DVL1: variants seen among roughly 807,000 people sequenced by gnomAD.
The protein encoded by DVL1 is dishevelled segment polarity protein 1, also known as segment polarity protein dishevelled homolog DVL-1.
In DVL1, 49 loss-of-function variants were observed where a neutral mutation model predicts 65.0. The ratio of observed to expected loss-of-function variants is 0.75; its 90% CI spans 0.60 to 0.96. The LOEUF is 0.96. Ranked by LOEUF, DVL1 falls within the 40% of genes least tolerant of loss-of-function variation. DVL1 has a pLI of 0.00. For missense variants in DVL1, 1,197 were observed against 1,045.4 expected (o/e 1.15, Z -2.00); for synonymous variants, 608 against 433.9 (o/e 1.40, Z -4.99).
At chr1:1,347,019 G>C (rs1486820709) in intron 1 of DVL1, among the ~76,000 whole-genome samples, 1 of 152,178 alleles carries the variant, frequency 6.6e-6, no homozygotes, top group African/African-American at 2.4e-5. Context: ...AAGGGATGAA[G>C]GAAGTAATTG....
intron 1 of DVL1, among the ~76,000 whole-genome samples, chr1:1,347,283 G>C (rs142626657): frequency 1.5e-3 from 235 of 152,192 alleles, no homozygotes; most frequent in Non-Finnish European, 2.7e-3. Flanking sequence ...AAGCTCCCCT[G>C]TCTCTTTCCT....
In DVL1 at chr1:1,339,331, C is replaced by G. The variant is rs376762325; in HGVS notation, c.1163G>C (p.Arg388Pro). The G allele has an allele frequency of 4.3e-4, 667 of 1,548,500 alleles. No homozygotes were observed. Among genetic ancestry groups the G allele is most frequent in the Non-Finnish European group, 5.3e-4 (606 of 1,146,900 alleles). Residue 388 changes from arginine to proline, a missense_variant, in exon 11 of 15, where the codon CGC becomes CCC. Physicochemically the swap from Arg to Pro is moderately radical, Grantham distance 103. Transcript: ENST00000378888. ...GTSPCSSAVTRTSSSSLTSSV... is the reference protein window; with the variant it reads ...GTSPCSSAVTPTSSSSLTSSV... The stretch of plus-strand genomic sequence containing the variant: ...GCTGGTTAGTGAGGAGGAGCTGGTG[C>G]GCGTGACGGCGCTGGAGCAGGGACT...
rs1368189431 is a variant in DVL1 at position 1,349,026 on chromosome 1, C to G, written c.40G>C (p.Glu14Gln). ...GGCAGCTTGACCAGGTACGGCGTCTCCTCCTCGTCCATGTGGTAGATAATC... is the reference window on the plus strand; with the variant it reads ...GGCAGCTTGACCAGGTACGGCGTCTGCTCCTCGTCCATGTGGTAGATAATC... ...TKIIYHMDEE[E>Q]TPYLVKLPVA... The change falls in exon 1 of 15, where the codon GAG (glutamate) becomes CAG (glutamine). Residue 14 changes from glutamate to glutamine, a missense_variant. Coordinates refer to ENST00000378888, the MANE Select transcript of DVL1 (RefSeq NM_001330311.2). The surrounding 1 kb of genome is among the most constrained non-coding windows in gnomAD (Gnocchi z 4.1). The G allele has an allele frequency of 6.4e-7, 1 of 1,563,734 alleles. No individual in the cohort carries two copies. The highest frequency in any genetic ancestry group is 1.4e-5 in the African/African-American group (1 of 71,138).
Position 1,338,317 on chromosome 1 carries a change from T to C in DVL1, c.1459A>G (p.Ile487Val). The C allele has an allele frequency of 6.2e-7, 1 of 1,606,452 alleles. No homozygotes were observed. The highest frequency in any genetic ancestry group is 8.5e-7 in the Non-Finnish European group (1 of 1,178,462). ...HGFLRHTVNK[I>V]TFSEQCYYVF... is the part of the protein sequence containing the mutation. ...TAGTAGCACTGCTCGGAGAAGGTGA[T>C]CTTGTTGACCGTGTGCCGCAGGAAG... Residue 487 changes from isoleucine to valine, a missense_variant, in exon 13 of 15, where the codon ATC (isoleucine) becomes GTC (valine). Physicochemically the swap from Ile to Val is conservative, Grantham distance 29. Coordinates refer to ENST00000378888, the MANE Select transcript of DVL1 (RefSeq NM_001330311.2).
At position 1,349,152 on chromosome 1, in the gene DVL1, C is replaced by CTCGG. The variant is rs1553176244; in HGVS notation, c.-88_-87insCCGA. Reference sequence around the variant, plus strand: ...GCTACCCGCCCGCCCGCCTGCGCCCCGCCCGGCCCGCACCGCTCTCGGCCC... The same window carrying CTCGG: ...GCTACCCGCCCGCCCGCCTGCGCCCCTCGGGCCCGGCCCGCACCGCTCTCGGCCC... On this transcript the variant is annotated 5_prime_UTR_variant, in exon 1 of 15. The change abolishes the stop of an existing upstream ORF in the 5' untranslated region. Coordinates refer to ENST00000378888, the MANE Select transcript of DVL1 (RefSeq NM_001330311.2). This position sits in a 1 kb window ranked among gnomAD's most constrained non-coding sequence, Gnocchi z 4.1. 1.2e-6 allele frequency: 1 copy of CTCGG among 810,742 alleles called. No homozygotes were observed. Among genetic ancestry groups the CTCGG allele is most frequent in the Non-Finnish European group, 1.5e-6 (1 of 673,174 alleles). 50.2% of individuals were successfully genotyped at this position (810,742 alleles called of 1,614,324 possible). A position where few individuals can be genotyped will look rare whatever the true frequency, so the allele number is the denominator to read the frequency against.
At position 1,339,390 on chromosome 1, in the gene DVL1, C is replaced by A; in HGVS notation, c.1104G>T (p.Ala368=). 6.5e-7 allele frequency: 1 copy of A among 1,549,004 alleles called. No homozygotes were observed. The highest frequency in any genetic ancestry group is 8.7e-7 in the Non-Finnish European group (1 of 1,146,784). ...IDPAAWLSHT[A]ALTGALPRYG... is the part of the protein sequence containing the mutation. ...AGCGGGGCAGGGCTCCTGTCAGTGC[C>A]GCCGTGTGGGACAGCCAGGCGGCGG... The change falls in exon 11 of 15, where the codon GCG becomes GCT. Residue 368 remains alanine (A), a synonymous_variant. Transcript: ENST00000378888.
chr1:1,343,777 G>C (rs576901554), intron 1 of DVL1, among the ~76,000 whole-genome samples: 6 of 152,320 alleles, frequency 3.9e-5, no homozygotes, highest in East Asian at 1.9e-4. Flanking sequence ...CCACCCTCCT[G>C]TCCTGTCCAC....
intron 1 of DVL1, among the ~76,000 whole-genome samples, chr1:1,345,790 G>A (rs536327405): frequency 6.6e-6 from 1 of 152,300 alleles, no homozygotes; most frequent in East Asian, 1.9e-4. Context: ...AGCTGGCAGG[G>A]GTAGCTGGCC....
chr1:1,342,442 C>A lies in DVL1; in HGVS notation c.283G>T (p.Gly95Cys). The A allele has an allele frequency of 6.2e-7, 1 of 1,605,498 alleles. No individual in the cohort carries two copies. Residue 95 changes from glycine to cysteine, a missense_variant, in exon 3 of 15, where the codon GGC becomes TGC. Transcript: ENST00000378888. Reference sequence around the variant, plus strand: ...GGCAGGTCTGTGTGGCTGTCCGTGCCCTGGGACCCCGCATCCGAGTGAGCA... The same window carrying A: ...GGCAGGTCTGTGTGGCTGTCCGTGCACTGGGACCCCGCATCCGAGTGAGCA... Reference protein sequence around the residue: ...EGAHSDAGSQGTDSHTDLPPP... With the variant: ...EGAHSDAGSQCTDSHTDLPPP...
chr1:1,339,577 C>A lies in DVL1; in HGVS notation c.1054+5G>T. On this transcript the variant is annotated splice_donor_5th_base_variant and intron_variant, in intron 10 of 14. Transcript: ENST00000378888. The stretch of plus-strand genomic sequence containing the variant: ...CCCGCCCCGTGTGCCCCGAGGGCCA[C>A]TCACCCCGTGGGACGGTGAAGTAGC... 4 of 1,604,880 alleles carry A rather than the reference C, an allele frequency of 2.5e-6. No homozygotes were observed. The highest frequency in any genetic ancestry group is 3.4e-6 in the Non-Finnish European group (4 of 1,175,626).
At chr1:1,347,550 C>T (rs1479119721) in intron 1 of DVL1, among the ~76,000 whole-genome samples, 1 of 152,220 alleles carries the variant, frequency 6.6e-6, no homozygotes. Context: ...CTACGCATTT[C>T]CTGGTGGCAC....
chr1:1,346,778 C>T (rs1003457839), intron 1 of DVL1, among the ~76,000 whole-genome samples: 2 of 152,220 alleles, frequency 1.3e-5, no homozygotes, highest in African/African-American at 4.8e-5. Context: ...TCACCAGGGC[C>T]TCCTCAGCGT....
chr1:1,347,899 C>T (rs999938487), intron 1 of DVL1, among the ~76,000 whole-genome samples: 57 of 152,188 alleles, frequency 3.7e-4, no homozygotes, highest in African/African-American at 1.3e-3. Flanking sequence ...CTAGATGTCC[C>T]TTGGGCCCCC....
intron 1 of DVL1, among the ~76,000 whole-genome samples, chr1:1,344,161 T>C (rs1643885386): frequency 6.6e-6 from 1 of 152,026 alleles, no homozygotes; most frequent in Non-Finnish European, 1.5e-5. Flanking sequence ...GCAGGCTGGG[T>C]AGGATCTGGA....
At chr1:1,343,071 C>G (rs1019214670) in intron 1 of DVL1, among the ~76,000 whole-genome samples, 2 of 152,170 alleles carry the variant, frequency 1.3e-5, no homozygotes, top group South Asian at 4.1e-4. Context: ...GACATCCTCA[C>G]AGGGGCAGCT....
intron 1 of DVL1, 31 bp from the exon 2 acceptor site, chr1:1,342,789 C>T (rs1232572410): frequency 1.9e-6 from 3 of 1,608,366 alleles, no homozygotes; most frequent in South Asian, 2.2e-5. Flanking sequence ...GAGGCCCCAC[C>T]TGGGGGGCCC....
In DVL1 at chr1:1,338,367, T is replaced by C; in HGVS notation, c.1409A>G (p.Tyr470Cys). 1 of 1,612,626 alleles carries C rather than the reference T, an allele frequency of 6.2e-7. No individual in the cohort carries two copies. Reference protein sequence around the residue: ...GFKERREARKYASSLLKHGFL... With the variant: ...GFKERREARKCASSLLKHGFL... ...GCCGTGCTTCAGCAAGCTGCTGGCG[T>C]ACTTCCGGGCCTCCCGCCGCTCCTT... The change falls in exon 13 of 15, where the codon TAC becomes TGC. Residue 470 changes from tyrosine (Y) to cysteine (C), a missense_variant. Physicochemically the swap from Tyr to Cys is radical, Grantham distance 194. Coordinates refer to ENST00000378888, the MANE Select transcript of DVL1 (RefSeq NM_001330311.2).
intron 8 of DVL1, 98 bp downstream of exon 8, chr1:1,339,940 A>AGCAGCCCCCGCAGACCCACCC (rs1643731080): frequency 2.0e-6 from 2 of 1,012,274 alleles, no homozygotes; most frequent in Non-Finnish European, 2.6e-6. Context: ...CATGTCCCCC[A>AGCAGCCCCCGCAGACCCACCC]GCAGCCCCTA....
At position 1,341,734 on chromosome 1, in the gene DVL1, T is replaced by A. The variant is rs140560543; in HGVS notation, c.538A>T (p.Thr180Ser). 16 of 1,610,814 alleles carry A rather than the reference T, an allele frequency of 9.9e-6. No homozygotes were observed. Among genetic ancestry groups the A allele is most frequent in the Non-Finnish European group, 1.4e-5 (16 of 1,178,664 alleles). The change falls in exon 5 of 15, where the codon ACC becomes TCC. Residue 180 changes from threonine to serine, a missense_variant. Coordinates refer to ENST00000378888, the MANE Select transcript of DVL1 (RefSeq NM_001330311.2). Reference sequence around the variant, plus strand: ...GACTCAAGCTCGCTGCTGAGGGCGGTGGACGCGCTGTCTGGGGGCAGCCCC... The same window carrying A: ...GACTCAAGCTCGCTGCTGAGGGCGGAGGACGCGCTGTCTGGGGGCAGCCCC... The part of the protein sequence containing the change: ...DVGLPPDSAS[T>S]ALSSELESSS...
Sources: gnomAD v4.1 joint callset for allele counts (sites outside exome capture counted in the v4.1 genomes callset) on GRCh38, gnomAD v4.1.1 for gene constraint, Gnocchi (gnomAD v3.1) non-coding constraint, MANE v1.5 for transcripts, NCBI Gene and HGNC (gene_info 2026-07-23, HGNC 2026-07-21) for gene names.